Variants in NTN1 observed in about 807,000 individuals in gnomAD.
The protein encoded by NTN1 is netrin-1.
A neutral mutation model predicts 54.2 loss-of-function variants in NTN1; 11 were observed. The ratio of observed to expected loss-of-function variants is 0.20; its 90% confidence interval spans 0.13 to 0.34. The LOEUF is 0.34. NTN1 is among the 10% of genes least tolerant of loss of function. NTN1 has a pLI of 1.00. For missense variants in NTN1, 740 were observed against 893.1 expected, an observed-to-expected ratio of 0.83 and a Z score of 2.18; for synonymous variants, 371 against 382.0, an observed-to-expected ratio of 0.97 and a Z score of 0.33.
chr17:9,036,506 C>A lies in NTN1; in HGVS notation c.1018+13115C>A, dbSNP rs2091904131. Among the ~76,000 whole-genome samples the A allele has an allele frequency of 2.0e-5, 3 of 151,278 alleles. No individual in the cohort carries two copies. In the South Asian group the frequency reaches 6.3e-4, roughly 32 times the overall value. On this transcript the variant is annotated intron_variant, in intron 2 of 6. Coordinates refer to ENST00000173229, the MANE Select transcript of NTN1 (RefSeq NM_004822.3). ...GAACTTCTGGGTTCAAGCAATCCTCCTGCCTCAGCCTCTCAGAGTGCTTAG... is the reference window on the plus strand; with the variant it reads ...GAACTTCTGGGTTCAAGCAATCCTCATGCCTCAGCCTCTCAGAGTGCTTAG...
chr17:9,045,177 A>G (rs562193807), intron 2 of NTN1, among the ~76,000 whole-genome samples: 2 of 152,370 alleles, frequency 1.3e-5, no homozygotes, highest in African/African-American at 4.8e-5. Context: ...AAGCTGGAGC[A>G]GTTTGAGCCG....
intron 2 of NTN1, among the ~76,000 whole-genome samples, chr17:9,158,458 A>G (rs2092349316): frequency 6.6e-6 from 1 of 152,152 alleles, no homozygotes; most frequent in African/African-American, 2.4e-5. Context: ...GGCCTGGGTG[A>G]TCCTTCCAGA....
Position 9,023,102 on chromosome 17 carries a change from G to C in NTN1, c.729G>C (p.Thr243=), listed in dbSNP as rs2091858487. The change falls in exon 2 of 7, where the codon ACG becomes ACC. Residue 243 remains threonine, a synonymous_variant. Coordinates refer to ENST00000173229, the MANE Select transcript of NTN1 (RefSeq NM_004822.3). Reference sequence around the variant, plus strand: ...CGCCCGTGCTGCAGGACTGGGTCACGGCCACAGACATCCGCGTGGCCTTCA... The same window carrying C: ...CGCCCGTGCTGCAGGACTGGGTCACCGCCACAGACATCCGCGTGGCCTTCA... ...DNSPVLQDWV[T]ATDIRVAFSR... is the part of the protein sequence containing the mutation. The C allele has an allele frequency of 5.7e-6, 9 of 1,568,610 alleles. No individual in the cohort carries two copies. Among genetic ancestry groups the C allele is most frequent in the Non-Finnish European group, 7.8e-6 (9 of 1,157,606 alleles).
chr17:9,203,125 G>T (rs1306007990), intron 5 of NTN1, among the ~76,000 whole-genome samples: 1 of 151,790 alleles, frequency 6.6e-6, no homozygotes, highest in Non-Finnish European at 1.5e-5. Context: ...GTTTCACCAT[G>T]TTAGCCAGGA....
At chr17:9,105,390 G>A (rs1205075025) in intron 2 of NTN1, among the ~76,000 whole-genome samples, 3 of 152,184 alleles carry the variant, frequency 2.0e-5, no homozygotes, top group Non-Finnish European at 2.9e-5. Context: ...GTGTGTGAAT[G>A]GTGGCCTTAA....
At chr17:9,120,213 A>T (rs2092227863) in intron 2 of NTN1, among the ~76,000 whole-genome samples, 1 of 149,130 alleles carries the variant, frequency 6.7e-6, no homozygotes, top group African/African-American at 2.5e-5. Context: ...TGAACCCGGG[A>T]GGCAGAGCTT....
intron 3 of NTN1, among the ~76,000 whole-genome samples, chr17:9,166,183 CCACCACCACCACCA>C (rs2092372742): frequency 7.1e-6 from 1 of 141,570 alleles, no homozygotes; most frequent in African/African-American, 2.8e-5. Flanking sequence ...ACCACCACCA[CCACCACCACCACCA>C]CCACCACCAC....
At chr17:9,236,802 G>A (rs558483187) in intron 6 of NTN1, among the ~76,000 whole-genome samples, 65 of 152,346 alleles carry the variant, frequency 4.3e-4, no homozygotes, top group African/African-American at 1.5e-3. Context: ...CTTCAGGACC[G>A]TGTGGCAGTG....
intron 2 of NTN1, among the ~76,000 whole-genome samples, chr17:9,094,904 G>A (rs188861634): frequency 2.7e-4 from 40 of 146,814 alleles, no homozygotes; most frequent in Middle Eastern, 7.2e-3. Flanking sequence ...CAGGAGAATC[G>A]CTTGAATGCA....
intron 5 of NTN1, among the ~76,000 whole-genome samples, chr17:9,188,531 T>A (rs1597527728): frequency 7.2e-6 from 1 of 138,362 alleles, no homozygotes; most frequent in East Asian, 2.1e-4. Context: ...AAGGGTGAAG[T>A]GAGTCTGATT....
At chr17:9,147,104 T>C (rs528959235) in intron 2 of NTN1, among the ~76,000 whole-genome samples, 122 of 152,302 alleles carry the variant, frequency 8.0e-4, no homozygotes, top group Middle Eastern at 6.8e-3. Flanking sequence ...CTGTACTAGA[T>C]AACTCAGGAC....
intron 2 of NTN1, among the ~76,000 whole-genome samples, chr17:9,086,190 T>C (rs1371151391): frequency 2.0e-5 from 3 of 152,096 alleles, no homozygotes; most frequent in Admixed American, 1.3e-4. Context: ...TAAGTTGTTA[T>C]GGTGTCTTCA....
chr17:9,129,837 C>T (rs953728010), intron 2 of NTN1, among the ~76,000 whole-genome samples: 4 of 152,168 alleles, frequency 2.6e-5, no homozygotes, highest in African/African-American at 7.2e-5. Flanking sequence ...GGTCCCAGAC[C>T]TGGCAAGGTG....
chr17:9,220,764 A>G (rs2142355717), intron 5 of NTN1, among the ~76,000 whole-genome samples: 1 of 152,178 alleles, frequency 6.6e-6, no homozygotes, highest in East Asian at 1.9e-4. Flanking sequence ...CATGAAAGCC[A>G]GCGCCTGACA....
At chr17:9,238,800 G>A (rs1168636335) in intron 6 of NTN1, among the ~76,000 whole-genome samples, 1 of 152,166 alleles carries the variant, frequency 6.6e-6, no homozygotes, top group Non-Finnish European at 1.5e-5. Flanking sequence ...GGTAACATTT[G>A]TCCTCTGAGT....
intron 2 of NTN1, among the ~76,000 whole-genome samples, chr17:9,098,873 A>G (rs1245974831): frequency 1.3e-5 from 2 of 152,220 alleles, no homozygotes; most frequent in Non-Finnish European, 2.9e-5. Context: ...AATTTTAGAA[A>G]TTTAAGAAAA....
intron 6 of NTN1, among the ~76,000 whole-genome samples, chr17:9,229,832 A>G (rs545683291): frequency 1.2e-4 from 19 of 152,234 alleles, no homozygotes; most frequent in African/African-American, 4.6e-4. Flanking sequence ...CTAGTTGGCA[A>G]TGGAGGCAGG....
chr17:9,191,880 A>T (rs1904470263), intron 5 of NTN1, among the ~76,000 whole-genome samples: 1 of 151,526 alleles, frequency 6.6e-6, no homozygotes. Context: ...AAAAAAAAAA[A>T]AAAAAAAAAA....
chr17:9,159,064 G>C (rs2092350764), intron 2 of NTN1, among the ~76,000 whole-genome samples: 1 of 152,124 alleles, frequency 6.6e-6, no homozygotes, highest in Admixed American at 6.6e-5. Context: ...AATTAAAGAG[G>C]CACATGTTTT....
Sources: gnomAD v4.1 joint callset for allele counts (sites outside exome capture counted in the v4.1 genomes callset) on GRCh38, gnomAD v4.1.1 for gene constraint, MANE v1.5 for transcripts, NCBI Gene and HGNC (gene_info 2026-07-23, HGNC 2026-07-21) for gene names.